TMEM178B: variants seen among roughly 807,000 people sequenced by gnomAD.
TMEM178B encodes transmembrane protein 178B.
In TMEM178B, 5 loss-of-function variants were observed where a neutral mutation model predicts 31.0. The observed-to-expected ratio is 0.16, with a 90% CI of 0.08 to 0.34. The LOEUF (loss-of-function observed/expected upper bound fraction) is 0.34, where lower values mean the gene tolerates loss of function less well. Ranked by LOEUF, TMEM178B falls within the 10% of genes least tolerant of loss-of-function variation. TMEM178B has a pLI of 1.00. For missense variants in TMEM178B, 275 were observed against 400.3 expected, an observed-to-expected ratio of 0.69 and a Z score of 2.67; for synonymous variants, 164 against 164.0, an observed-to-expected ratio of 1.00 and a Z score of 0.00.
chr7:141,272,242 T>G (rs1563137695), intron 2 of TMEM178B, among the ~76,000 whole-genome samples: 1 of 152,230 alleles, frequency 6.6e-6, no homozygotes, highest in Non-Finnish European at 1.5e-5. Flanking sequence ...CCACATAGTG[T>G]TATGTTTGAC....
chr7:141,347,244 G>A (rs1459189035), intron 2 of TMEM178B, among the ~76,000 whole-genome samples: 1 of 152,176 alleles, frequency 6.6e-6, no homozygotes, highest in Non-Finnish European at 1.5e-5. Flanking sequence ...GAAAAGAGAG[G>A]TGTGTCTTGC....
intron 1 of TMEM178B, among the ~76,000 whole-genome samples, chr7:141,147,804 A>G (rs1795879319): frequency 6.6e-6 from 1 of 152,194 alleles, no homozygotes; most frequent in African/African-American, 2.4e-5. Context: ...CAGGACATCC[A>G]GTTAAAGATG....
intron 1 of TMEM178B, among the ~76,000 whole-genome samples, chr7:141,108,968 C>A (rs543896214): frequency 6.6e-6 from 1 of 152,086 alleles, no homozygotes; most frequent in Non-Finnish European, 1.5e-5. Context: ...TACATGGTGG[C>A]GGCAAGAGAG....
chr7:141,177,590 T>C (rs1796454347), intron 1 of TMEM178B, among the ~76,000 whole-genome samples: 1 of 152,210 alleles, frequency 6.6e-6, no homozygotes, highest in Non-Finnish European at 1.5e-5. Context: ...AGTTTCTTTG[T>C]AGGTCTCTAA....
At chr7:141,310,764 C>T (rs1359163878) in intron 2 of TMEM178B, among the ~76,000 whole-genome samples, 1 of 152,156 alleles carries the variant, frequency 6.6e-6, no homozygotes, top group African/African-American at 2.4e-5. Context: ...GACCTAGAAC[C>T]AGAAATACCA....
chr7:141,222,284 C>G lies in TMEM178B; in HGVS notation c.496+9580C>G, dbSNP rs115066691. Among the ~76,000 whole-genome samples the G allele has an allele frequency of 1.9e-3, 285 of 152,252 alleles. 1 individual carries two copies. Among genetic ancestry groups the G allele is most frequent in the African/African-American group, 6.5e-3 (272 of 41,540 alleles). Reference sequence around the variant, plus strand: ...TTAGCTAAGGGAATCTTCCTAATATCTAGCCTCCAAATCTCTATCTTATGT... The same window carrying G: ...TTAGCTAAGGGAATCTTCCTAATATGTAGCCTCCAAATCTCTATCTTATGT... On this transcript the variant is annotated intron_variant, in intron 2 of 3. Transcript: ENST00000565468.
At chr7:141,387,579 G>A (rs1800456164) in intron 2 of TMEM178B, among the ~76,000 whole-genome samples, 1 of 152,152 alleles carries the variant, frequency 6.6e-6, no homozygotes, top group South Asian at 2.1e-4. Context: ...AAATGCCATA[G>A]TCAATCAGGA....
intron 2 of TMEM178B, among the ~76,000 whole-genome samples, chr7:141,337,034 A>T: frequency 1.2e-5 from 1 of 85,442 alleles, no homozygotes; most frequent in Non-Finnish European, 2.2e-5. Flanking sequence ...CATCACCACC[A>T]CCACCACCAC....
At chr7:141,491,175 A>C in the TMEM178B span, among the ~76,000 whole-genome samples, 1 of 152,052 alleles carries the variant, frequency 6.6e-6, no homozygotes, top group Admixed American at 6.6e-5. Context: ...CTACAGGAGC[A>C]TGCTACCATG....
intron 2 of TMEM178B, among the ~76,000 whole-genome samples, chr7:141,413,470 C>T (rs972727544): frequency 4.1e-4 from 63 of 152,098 alleles, no homozygotes; most frequent in African/African-American, 1.5e-3. Flanking sequence ...AGACTTCTGC[C>T]CATGCGTATT....
chr7:141,344,810 C>T lies in TMEM178B; in HGVS notation c.497-92798C>T, dbSNP rs576128411. ...GATTTCAAACTTTTGGAACTCAGAACGAGCTGTCTGTTAACTGTGGCTCTG... is the reference window on the plus strand; with the variant it reads ...GATTTCAAACTTTTGGAACTCAGAATGAGCTGTCTGTTAACTGTGGCTCTG... On this transcript the variant is annotated intron_variant, in intron 2 of 3. Transcript: ENST00000565468. This position sits in a 1 kb window ranked among gnomAD's most constrained non-coding sequence, Gnocchi z 4.1. Among the ~76,000 whole-genome samples the T allele has an allele frequency of 1.3e-5, 2 of 152,296 alleles. No individual in the cohort carries two copies. Among genetic ancestry groups the T allele is most frequent in the South Asian group, 2.1e-4 (1 of 4,824 alleles).
At chr7:141,450,321 T>C (rs1205828141) in intron 3 of TMEM178B, among the ~76,000 whole-genome samples, 1 of 152,224 alleles carries the variant, frequency 6.6e-6, no homozygotes, top group Non-Finnish European at 1.5e-5. Context: ...GGGCAACCAG[T>C]TGTTAAGTAC....
At chr7:141,393,634 A>G (rs1232661748) in intron 2 of TMEM178B, among the ~76,000 whole-genome samples, 2 of 152,296 alleles carry the variant, frequency 1.3e-5, no homozygotes, top group African/African-American at 4.8e-5. Context: ...AGAGAAAGAG[A>G]AAGGTCCAAA....
Position 141,368,473 on chromosome 7 carries a change from G to T in TMEM178B, c.497-69135G>T, listed in dbSNP as rs181464084. 1.6e-4 allele frequency among the ~76,000 whole-genome samples: 25 copies of T among 152,268 alleles called. No homozygotes were observed. The East Asian group carries it at 2.3e-3, about 14-fold the overall frequency. ...CCTCATTGGATTTTTACATGAACAG[G>T]TTCTATGCCTATATACTTGGGATTC... is the stretch of plus-strand genomic sequence containing the variant. On this transcript the variant is annotated intron_variant, in intron 2 of 3. Transcript: ENST00000565468.
At chr7:141,182,921 C>T (rs1337666166) in intron 1 of TMEM178B, among the ~76,000 whole-genome samples, 3 of 152,150 alleles carry the variant, frequency 2.0e-5, no homozygotes, top group Non-Finnish European at 4.4e-5. Context: ...TACCCAGTCT[C>T]GAGTATGTGT....
At chr7:141,258,127 T>C (rs1258614784) in intron 2 of TMEM178B, among the ~76,000 whole-genome samples, 1 of 150,878 alleles carries the variant, frequency 6.6e-6, no homozygotes, top group Admixed American at 6.6e-5. Context: ...AATAGAACTT[T>C]ATTTCTTTCT....
chr7:141,170,526 T>C (rs1796331210), intron 1 of TMEM178B, among the ~76,000 whole-genome samples: 1 of 152,228 alleles, frequency 6.6e-6, no homozygotes, highest in African/African-American at 2.4e-5. Flanking sequence ...CTCGTTGTTA[T>C]AAGGATCAAA....
intron 2 of TMEM178B, among the ~76,000 whole-genome samples, chr7:141,297,356 T>G (rs1021347188): frequency 6.6e-6 from 1 of 152,138 alleles, no homozygotes; most frequent in African/African-American, 2.4e-5. Flanking sequence ...TCTTTTATTA[T>G]TATTATTATT....
At chr7:141,149,167 A>G (rs1409715903) in intron 1 of TMEM178B, among the ~76,000 whole-genome samples, 1 of 152,220 alleles carries the variant, frequency 6.6e-6, no homozygotes, top group Non-Finnish European at 1.5e-5. Flanking sequence ...GTAAGAGATG[A>G]TGTTGGGTTG....
Sources: gnomAD v4.1 joint callset for allele counts (sites outside exome capture counted in the v4.1 genomes callset) on GRCh38, gnomAD v4.1.1 for gene constraint, Gnocchi (gnomAD v3.1) non-coding constraint, MANE v1.5 for transcripts, NCBI Gene and HGNC (gene_info 2026-07-23, HGNC 2026-07-21) for gene names.